RGS6: variants seen among roughly 807,000 people sequenced by gnomAD.
RGS6 encodes the protein regulator of G protein signaling 6, also known as regulator of G-protein signaling 6.
A neutral mutation model predicts 78.5 loss-of-function variants in RGS6; 30 were observed. That is an observed-to-expected ratio of 0.38 (90% CI 0.29 to 0.52). The LOEUF is 0.52. Ranked by LOEUF, RGS6 falls within the 20% of genes least tolerant of loss-of-function variation. RGS6 has a pLI of 0.85. For missense variants in RGS6, 495 were observed against 609.7 expected (o/e 0.81, Z 1.98); for synonymous variants, 206 against 206.0 (o/e 1.00, Z 0.00).
intron 2 of RGS6, among the ~76,000 whole-genome samples, chr14:71,969,040 G>C (rs2093669947): frequency 6.6e-6 from 1 of 152,180 alleles, no homozygotes; most frequent in South Asian, 2.1e-4. Flanking sequence ...TGTTCTCATT[G>C]TTCAATTCCC....
At chr14:72,104,999 A>G (rs1361799218) in intron 2 of RGS6, among the ~76,000 whole-genome samples, 1 of 152,248 alleles carries the variant, frequency 6.6e-6, no homozygotes, top group African/African-American at 2.4e-5. Flanking sequence ...GTTTCTGGAT[A>G]GGTCCTTGGT....
At chr14:72,363,653 T>A (rs1441685291) in intron 3 of RGS6, among the ~76,000 whole-genome samples, 5 of 152,162 alleles carry the variant, frequency 3.3e-5, no homozygotes, top group African/African-American at 1.2e-4. Flanking sequence ...CACCTTAATA[T>A]CATGGATTGA....
At chr14:72,113,597 CA>C (rs924292328) in intron 2 of RGS6, among the ~76,000 whole-genome samples, 11 of 152,164 alleles carry the variant, frequency 7.2e-5, no homozygotes. Context: ...AAACCACTAC[CA>C]AAAGTTAGTT....
At chr14:72,135,883 G>C (rs946831921) in intron 2 of RGS6, among the ~76,000 whole-genome samples, 6 of 151,974 alleles carry the variant, frequency 3.9e-5, no homozygotes, top group African/African-American at 1.2e-4. Flanking sequence ...AAGAGGAGGA[G>C]GAGAGGAGGA....
rs1200326501 is a variant in RGS6, at chr14:72,481,832, G to T, written c.854+3503G>T. Among the ~76,000 whole-genome samples, 288 of 140,054 alleles carry T rather than the reference G, an allele frequency of 2.1e-3. 1 individual carries two copies. The highest frequency in any genetic ancestry group is 7.5e-3 in the African/African-American group (279 of 37,422). The allele number at this position is 140,054 out of a possible 152,430, so 91.9% of individuals were successfully genotyped here. On this transcript the variant is annotated intron_variant, in intron 12 of 17. Transcript: ENST00000553525. Reference sequence around the variant, plus strand: ...TTTTTTTTTTTTTTTTTTTTGAGACGGAGTCTTGCTTTGTTGCCCAGGCTG... The same window carrying T: ...TTTTTTTTTTTTTTTTTTTTGAGACTGAGTCTTGCTTTGTTGCCCAGGCTG...
intron 1 of RGS6, among the ~76,000 whole-genome samples, chr14:71,939,124 G>A (rs991557913): frequency 7.2e-5 from 11 of 152,108 alleles, no homozygotes; most frequent in African/African-American, 1.4e-4. Context: ...TAAATGGGCC[G>A]GAGTAACACA....
At chr14:72,478,163 G>C in intron 11 of RGS6, 105 bp from the exon 12 acceptor site, 1 of 758,932 alleles carries the variant, frequency 1.3e-6, no homozygotes. Context: ...TCTGGCCAGA[G>C]GAGGTATTTG....
chr14:72,458,491 C>T (rs1597807673), intron 5 of RGS6, 114 bp downstream of exon 5: 1 of 763,634 alleles, frequency 1.3e-6, no homozygotes, highest in Non-Finnish European at 2.2e-6. Context: ...CCTCACTCCT[C>T]ATCAGCACTG....
chr14:71,888,874 T>C, the RGS6 span, among the ~76,000 whole-genome samples: 79,754 of 151,924 alleles, frequency 0.52, 24,058 homozygotes, highest in Non-Finnish European at 0.68. Flanking sequence ...TATCACATCA[T>C]TGAAAACTAC....
intron 2 of RGS6, among the ~76,000 whole-genome samples, chr14:72,344,926 G>A (rs1163180197): frequency 6.6e-6 from 1 of 152,152 alleles, no homozygotes; most frequent in Non-Finnish European, 1.5e-5. Context: ...TTAACGCAAG[G>A]TCTCGTGGTA....
rs531558866 is a variant in RGS6 at position 72,565,347 on chromosome 14, C to T, written c.*2880C>T. 2 of 152,334 alleles carry T rather than the reference C, an allele frequency of 1.3e-5. No homozygotes were observed. The highest frequency in any genetic ancestry group is 3.9e-4 in the East Asian group (2 of 5,170). The allele number at this position is 152,334 out of a possible 1,614,324, so 9.4% of individuals were successfully genotyped here. A position where few individuals can be genotyped will look rare whatever the true frequency, so the allele number is the denominator to read the frequency against. On this transcript the variant is annotated 3_prime_UTR_variant, in exon 18 of 18. Transcript: ENST00000553525. ...AGGCACTGGCATCTGACTAAAATAA[C>T]CTTTCCCTACATGGGAAGAGGAAAG...
At chr14:72,472,769 T>G (rs1435374341) in intron 8 of RGS6, 103 bp from the exon 9 acceptor site, 3 of 775,018 alleles carry the variant, frequency 3.9e-6, no homozygotes, top group Non-Finnish European at 6.5e-6. Flanking sequence ...AATGGCCTTG[T>G]GTTCACTTAG....
intron 2 of RGS6, among the ~76,000 whole-genome samples, chr14:72,083,130 T>C (rs2094891457): frequency 6.6e-6 from 1 of 152,188 alleles, no homozygotes; most frequent in South Asian, 2.1e-4. Context: ...CTAGAAAACT[T>C]GCCTATAAGG....
Position 72,062,130 on chromosome 14 carries a change from T to G in RGS6, c.84+97255T>G, listed in dbSNP as rs186197108. Among the ~76,000 whole-genome samples, 276 of 152,334 alleles carry G rather than the reference T, an allele frequency of 1.8e-3. 1 individual carries two copies. Among genetic ancestry groups the G allele is most frequent in the Non-Finnish European group, 2.8e-3 (188 of 68,028 alleles). On this transcript the variant is annotated intron_variant, in intron 2 of 17. Coordinates refer to ENST00000553525, the MANE Select transcript of RGS6 (RefSeq NM_001204424.2). ...ATAGAGTGGTCAGGAAAGGCTGCTT[T>G]CAGAAGGTGACATTTGAACAAGAAA...
At position 72,465,454 on chromosome 14, in the gene RGS6, TATTTTTCCCA is replaced by T. The variant is rs1318142357; in HGVS notation, c.395-303_395-294del. On this transcript the variant is annotated intron_variant, in intron 6 of 17. Transcript: ENST00000553525. Reference sequence around the variant, plus strand: ...GGTCATGAGGTCCACTTAGAAAACATATTTTTCCCAGGACAGTGCTCATGAGGTCCACTTA... The same window carrying T: ...GGTCATGAGGTCCACTTAGAAAACATGGACAGTGCTCATGAGGTCCACTTA... 1.1e-3 allele frequency among the ~76,000 whole-genome samples: 51 copies of T among 47,262 alleles called. No homozygotes were observed. The Admixed American group carries it at 0.012, about 11-fold the overall frequency. 31.0% of individuals were successfully genotyped at this position (47,262 alleles called of 152,430 possible). A position where few individuals can be genotyped will look rare whatever the true frequency, so the allele number is the denominator to read the frequency against.
intron 3 of RGS6, among the ~76,000 whole-genome samples, chr14:72,388,070 C>T (rs986897670): frequency 3.9e-5 from 6 of 152,190 alleles, no homozygotes; most frequent in African/African-American, 1.4e-4. Context: ...TTCTGAGGTA[C>T]ATGGGATTAG....
At chr14:72,177,386 G>A (rs903608187) in intron 2 of RGS6, among the ~76,000 whole-genome samples, 5 of 152,166 alleles carry the variant, frequency 3.3e-5, no homozygotes, top group Non-Finnish European at 4.4e-5. Flanking sequence ...TCTCTTGTGA[G>A]CAGGGTAAGT....
the RGS6 span, among the ~76,000 whole-genome samples, chr14:71,916,477 G>GT: frequency 9.2e-5 from 14 of 152,182 alleles, no homozygotes; most frequent in Admixed American, 3.9e-4. Context: ...AGGGAAATAC[G>GT]TTTTTTTGAC....
intron 2 of RGS6, among the ~76,000 whole-genome samples, chr14:72,318,937 C>T (rs1312568044): frequency 3.3e-5 from 5 of 152,148 alleles, no homozygotes; most frequent in African/African-American, 1.2e-4. Flanking sequence ...CAGCACACAA[C>T]CCTTTGTAAT....
Sources: gnomAD v4.1 joint callset for allele counts (sites outside exome capture counted in the v4.1 genomes callset) on GRCh38, gnomAD v4.1.1 for gene constraint, MANE v1.5 for transcripts, NCBI Gene and HGNC (gene_info 2026-07-23, HGNC 2026-07-21) for gene names.